Variants in SUPT6H observed in about 807,000 individuals in gnomAD.
SUPT6H encodes the protein SPT6 homolog, histone chaperone and transcription elongation factor, also known as transcription elongation factor SPT6.
Under a neutral mutation model 222.3 loss-of-function variants are expected in SUPT6H, and 11 were observed. The ratio of observed to expected loss-of-function variants is 0.05; its 90% CI spans 0.03 to 0.08. The LOEUF is 0.08. SUPT6H is among the 10% of genes least tolerant of loss of function. The pLI is 1.00. For missense variants in SUPT6H, 1,422 were observed against 2,216.0 expected, an observed-to-expected ratio of 0.64 and a Z score of 7.19; for synonymous variants, 762 against 801.2, an observed-to-expected ratio of 0.95 and a Z score of 0.83.
At chr17:28,663,827 C>CCTTTTTTTTTTTTTTTTT (rs1567681347) in intron 1 of SUPT6H, among the ~76,000 whole-genome samples, 19 of 8,404 alleles carry the variant, frequency 2.3e-3, no homozygotes, top group Non-Finnish European at 4.0e-3. Context: ...CTGCCCACTC[C>CCTTTTTTTTTTTTTTTTT]ATTTTTTTTT....
intron 8 of SUPT6H, 120 bp downstream of exon 8, chr17:28,677,936 T>G: frequency 1.6e-6 from 2 of 1,278,254 alleles, no homozygotes; most frequent in Non-Finnish European, 2.3e-6. Context: ...TGTGTGTATG[T>G]AGTCCCAACA....
In SUPT6H at chr17:28,684,678, C is replaced by T. The variant is rs1313000639; in HGVS notation, c.2322C>T (p.Asn774=). Residue 774 remains asparagine (N), a synonymous_variant, in exon 18 of 37, where the codon AAC becomes AAT. Coordinates refer to ENST00000314616, the MANE Select transcript of SUPT6H (RefSeq NM_003170.5). Reference sequence around the variant, plus strand: ...AAGATGACGACTTTATGGACGAGAACCAAGGGAAGGGCATTCGAGTCCTCG... The same window carrying T: ...AAGATGACGACTTTATGGACGAGAATCAAGGGAAGGGCATTCGAGTCCTCG... ...VEEDDDFMDE[N]QGKGIRVLGI... is the part of the protein sequence containing the mutation. The T allele has an allele frequency of 3.7e-6, 6 of 1,614,180 alleles. No homozygotes were observed. The African/African-American group carries it at 8.0e-5, about 22-fold the overall frequency.
At position 28,683,631 on chromosome 17, in the gene SUPT6H, G is replaced by T; in HGVS notation, c.2044G>T (p.Asp682Tyr). 1 of 1,613,738 alleles carries T rather than the reference G, an allele frequency of 6.2e-7. No individual in the cohort carries two copies. Among genetic ancestry groups the T allele is most frequent in the Non-Finnish European group, 8.5e-7 (1 of 1,179,854 alleles). The change falls in exon 17 of 37, where the codon GAC becomes TAC. Residue 682 changes from aspartate to tyrosine, a missense_variant. Physicochemically the swap from Asp to Tyr is radical, Grantham distance 160. This residue lies in a region of SUPT6H where 121 missense variants were observed against 158.0 expected (regional missense o/e 0.77). Transcript: ENST00000314616. ...DLKGVEGYGN[D>Y]QTYFEEIKQF... ...TGTGTCTCTTCTCAGCTATGGCAAC[G>T]ACCAGACATATTTTGAGGAGATAAA...
rs769469705 is a variant in SUPT6H, at chr17:28,683,459, G to A, written c.2033+37G>A. The A allele has an allele frequency of 3.1e-6, 5 of 1,610,160 alleles. 1 individual carries two copies. In the South Asian group the frequency reaches 5.5e-5, roughly 18 times the overall value. ...CCTGGGCTGGCGACTCTCTGGGGAA[G>A]GCCTGATGAGGAGTCTGGTGGAGGG... On this transcript the variant is annotated intron_variant, in intron 16 of 36. Coordinates refer to ENST00000314616, the MANE Select transcript of SUPT6H (RefSeq NM_003170.5).
chr17:28,678,105 G>A lies in SUPT6H; in HGVS notation c.1029G>A (p.Gln343=), dbSNP rs1330382848. 19 of 1,612,836 alleles carry A rather than the reference G, an allele frequency of 1.2e-5. No homozygotes were observed. Among genetic ancestry groups the A allele is most frequent in the Non-Finnish European group, 1.5e-5 (18 of 1,179,710 alleles). The change falls in exon 9 of 37, where the codon CAG becomes CAA. Residue 343 remains glutamine (Q), a synonymous_variant. Transcript: ENST00000314616. ...GCTGTGATTACCTAGACCGAGGGCA[G>A]CCAGCCAGCAGCTTCAGTCGGAAAG... is the stretch of plus-strand genomic sequence containing the variant. The part of the protein sequence containing the change: ...QESCDYLDRG[Q]PASSFSRKGP...
chr17:28,673,143 GC>G (rs2030529524), intron 1 of SUPT6H, among the ~76,000 whole-genome samples: 1 of 144,614 alleles, frequency 6.9e-6, no homozygotes, highest in South Asian at 2.2e-4. Flanking sequence ...AGAGTGAGAC[GC>G]CACCTCAAAA....
intron 1 of SUPT6H, among the ~76,000 whole-genome samples, chr17:28,672,402 TTTTTCTTTTC>T (rs2030471339): frequency 6.6e-6 from 1 of 151,778 alleles, no homozygotes; most frequent in South Asian, 2.2e-4. Context: ...TCTTTTTCTT[TTTTTCTTTTC>T]TTTTTTTTTC....
At chr17:28,677,637 T>A (rs1302600336) in intron 7 of SUPT6H, 78 bp from the exon 8 acceptor site, 4 of 1,001,712 alleles carry the variant, frequency 4.0e-6, no homozygotes, top group African/African-American at 1.6e-5. Flanking sequence ...ATCACACGTT[T>A]CTGTCCAAAA....
At chr17:28,679,032 T>C in intron 11 of SUPT6H, 69 bp downstream of exon 11, 1 of 1,593,428 alleles carries the variant, frequency 6.3e-7, no homozygotes, top group Non-Finnish European at 8.6e-7. Flanking sequence ...GCAGGAGCAC[T>C]GTTAAACCTT....
At chr17:28,673,711 A>G in intron 2 of SUPT6H, 1 of 552,522 alleles carries the variant, frequency 1.8e-6, no homozygotes, top group South Asian at 2.4e-5. Context: ...AGAAATATAA[A>G]ACAATAAATA....
At chr17:28,686,966 G>C in intron 21 of SUPT6H, 122 bp from the exon 22 acceptor site, 1 of 1,501,808 alleles carries the variant, frequency 6.7e-7, no homozygotes, top group Non-Finnish European at 8.9e-7. Context: ...AATTAAATCG[G>C]TCTCAGGAAA....
chr17:28,681,457 C>A, intron 12 of SUPT6H, 53 bp downstream of exon 12: 1 of 1,535,040 alleles, frequency 6.5e-7, no homozygotes, highest in South Asian at 1.3e-5. Context: ...CATGATGGCT[C>A]ACGCATGTAA....
intron 7 of SUPT6H, among the ~76,000 whole-genome samples, chr17:28,676,831 G>T (rs1397134835): frequency 6.6e-6 from 1 of 152,094 alleles, no homozygotes; most frequent in Non-Finnish European, 1.5e-5. Context: ...GGAGGCTGAG[G>T]TGGGAAGATT....
At position 28,676,268 on chromosome 17, in the gene SUPT6H, T is replaced by G; in HGVS notation, c.735T>G (p.Asp245Glu). Reference protein sequence around the residue: ...ELEEEYEYEDDEAEGEIRVRP... With the variant: ...ELEEEYEYEDEEAEGEIRVRP... ...AGGAAGAGTATGAGTATGAGGATGA[T>G]GAGGCTGAGGGTGAAATCCGAGTGC... Residue 245 changes from aspartate (D) to glutamate (E), a missense_variant, in exon 7 of 37, where the codon GAT becomes GAG. Asp to Glu is a conservative substitution (Grantham distance 45). Transcript: ENST00000314616. 2 of 1,613,894 alleles carry G rather than the reference T, an allele frequency of 1.2e-6. No homozygotes were observed. Among genetic ancestry groups the G allele is most frequent in the Non-Finnish European group, 1.7e-6 (2 of 1,179,972 alleles).
intron 2 of SUPT6H, 193 bp downstream of exon 2, chr17:28,673,703 A>G (rs2030568285): frequency 1.8e-6 from 1 of 564,586 alleles, no homozygotes; most frequent in Non-Finnish European, 3.2e-6. Context: ...CTGGAACTAG[A>G]AATATAAAAC....
In SUPT6H at chr17:28,701,663, G is replaced by A; in HGVS notation, c.*38G>A. ...TCGGACTCTGGTTACCTCTGAGGCT[G>A]GGAAAGGCCTGGCTGCCCACTGCCT... On this transcript the variant is annotated 3_prime_UTR_variant, in exon 37 of 37. Coordinates refer to ENST00000314616, the MANE Select transcript of SUPT6H (RefSeq NM_003170.5). 1 of 1,566,216 alleles carries A rather than the reference G, an allele frequency of 6.4e-7. No individual in the cohort carries two copies. Among genetic ancestry groups the A allele is most frequent in the Non-Finnish European group, 8.7e-7 (1 of 1,151,864 alleles).
At chr17:28,700,546 G>A (rs767664951) in intron 35 of SUPT6H, 34 bp downstream of exon 35, 29 of 1,602,790 alleles carry the variant, frequency 1.8e-5, no homozygotes, top group Non-Finnish European at 2.1e-5. Flanking sequence ...CCCTGTGCAG[G>A]GTGGGGCCCA....
At chr17:28,684,273 T>C (rs2031271103) in intron 17 of SUPT6H, among the ~76,000 whole-genome samples, 3 of 152,050 alleles carry the variant, frequency 2.0e-5, no homozygotes, top group Admixed American at 1.3e-4. Flanking sequence ...AGGTGAAGCA[T>C]AATCTGAGAG....
chr17:28,700,642 T>C (rs1344063696), intron 35 of SUPT6H, 130 bp downstream of exon 35: 2 of 1,263,304 alleles, frequency 1.6e-6, no homozygotes, highest in East Asian at 2.4e-5. Flanking sequence ...CCAACAGATA[T>C]TTCTTGTCCT....
Sources: allele counts gnomAD v4.1 joint callset (sites outside exome capture counted in the v4.1 genomes callset), GRCh38; gene constraint gnomAD v4.1.1; regional missense constraint gnomAD v4.1.1; transcripts MANE v1.5; gene names NCBI Gene and HGNC (gene_info 2026-07-23, HGNC 2026-07-21).